The following SPTB variants were observed in gnomAD, a reference collection of about 807,000 sequenced individuals.
The protein encoded by SPTB is spectrin beta chain, erythrocytic.
Under a neutral mutation model 256.2 loss-of-function variants are expected in SPTB, and 45 were observed. That is an observed-to-expected ratio of 0.18 (90% CI 0.14 to 0.23). The LOEUF (loss-of-function observed/expected upper bound fraction) is 0.23. Ranked by LOEUF, SPTB falls within the 10% of genes least tolerant of loss-of-function variation. The pLI is 1.00. For missense variants in SPTB, 2,715 were observed against 3,040.4 expected, an observed-to-expected ratio of 0.89 and a Z score of 2.52; for synonymous variants, 1,231 against 1,243.1, an observed-to-expected ratio of 0.99 and a Z score of 0.21.
In SPTB at chr14:64,772,255, G is replaced by T. The variant is rs1321833227; in HGVS notation, c.5553+325C>A. ...CTCAGAGGACTGCCATGAGGGTCCAGCGGCTACATACATTGCTCAGAAGAG... is the reference window on the plus strand; with the variant it reads ...CTCAGAGGACTGCCATGAGGGTCCATCGGCTACATACATTGCTCAGAAGAG... On this transcript the variant is annotated intron_variant, in intron 26 of 35. Transcript: ENST00000644917. This position sits in a 1 kb window ranked among gnomAD's most constrained non-coding sequence, Gnocchi z 5.4. Among the ~76,000 whole-genome samples the T allele has an allele frequency of 6.6e-6, 1 of 152,232 alleles. No individual in the cohort carries two copies. Among genetic ancestry groups the T allele is most frequent in the Non-Finnish European group, 1.5e-5 (1 of 68,042 alleles).
chr14:64,787,769 G>C (rs1217668467), intron 15 of SPTB, among the ~76,000 whole-genome samples: 2 of 152,234 alleles, frequency 1.3e-5, no homozygotes, highest in Non-Finnish European at 2.9e-5. Flanking sequence ...GTGTTGCTAT[G>C]AAATACGGAA....
intron 2 of SPTB, among the ~76,000 whole-genome samples, chr14:64,808,073 C>T (rs889024566): frequency 2.0e-5 from 3 of 152,194 alleles, no homozygotes; most frequent in East Asian, 1.9e-4. Flanking sequence ...AGTGCAGCGG[C>T]GCAATCTTGG....
rs2082657247 is a variant in SPTB at position 64,790,851 on chromosome 14, C to T, written c.2804+868G>A. ...CAGGAACTCATGGGCAATTTCACCCCACACTGAAAGCACCCCCTCTCTAAA... is the reference window on the plus strand; with the variant it reads ...CAGGAACTCATGGGCAATTTCACCCTACACTGAAAGCACCCCCTCTCTAAA... On this transcript the variant is annotated intron_variant, in intron 15 of 35. Transcript: ENST00000644917. This position sits in a 1 kb window ranked among gnomAD's most constrained non-coding sequence, Gnocchi z 4.8. Among the ~76,000 whole-genome samples, 1 of 152,216 alleles carries T rather than the reference C, an allele frequency of 6.6e-6. No individual in the cohort carries two copies.
In SPTB at chr14:64,750,136, G is replaced by C; in HGVS notation, c.6621C>G (p.Tyr2207Ter). 6.2e-7 allele frequency: 1 copy of C among 1,613,126 alleles called. No homozygotes were observed. Among genetic ancestry groups the C allele is most frequent in the Non-Finnish European group, 8.5e-7 (1 of 1,179,108 alleles). The change falls in exon 34 of 36, where the codon TAC becomes TAG. Residue 2207 changes from tyrosine (Y) to a stop codon, truncating the protein, a stop_gained. Coordinates refer to ENST00000644917, the MANE Select transcript of SPTB (RefSeq NM_001355436.2). LOFTEE classifies it high-confidence loss of function. ...KASNRSWNNL[Y>*]CVLRNSELTF... is the part of the protein sequence containing the mutation. ...TTAGCTCACTGTTCCTGAGCACACAGTACAGGTTGTTCCAGGACCTGCAAA... is the reference window on the plus strand; with the variant it reads ...TTAGCTCACTGTTCCTGAGCACACACTACAGGTTGTTCCAGGACCTGCAAA...
In SPTB at chr14:64,753,727, C is replaced by A; in HGVS notation, c.6412G>T (p.Gly2138Trp). Residue 2138 changes from glycine to tryptophan, a missense_variant, in exon 33 of 36, where the codon GGG becomes TGG. By Grantham distance (184) the Gly-to-Trp change is radical. This residue lies in a region of SPTB where 2,239 missense variants were observed against 2,384.4 expected (regional missense o/e 0.94). Transcript: ENST00000644917. The part of the protein sequence containing the change: ...QPPPPGQHKD[G>W]QKSTGDERPT... ...CTCTCATCCCCAGTGGATTTCTGCC[C>A]ATCCTTGTGCTGACCCGGCGGTGGT... 6.2e-7 allele frequency: 1 copy of A among 1,613,838 alleles called. No homozygotes were observed. The highest frequency in any genetic ancestry group is 8.5e-7 in the Non-Finnish European group (1 of 1,180,032).
At position 64,816,497 on chromosome 14, in the gene SPTB, G is replaced by A. The variant is rs1057052443; in HGVS notation, c.148+6450C>T. ...ATGCTTATCCCCTGAACTGAGAGCT[G>A]CAGTTTATGTTACAAACTTTATAGT... On this transcript the variant is annotated intron_variant, in intron 2 of 35. Coordinates refer to ENST00000644917, the MANE Select transcript of SPTB (RefSeq NM_001355436.2). The surrounding 1 kb of genome is among the most constrained non-coding windows in gnomAD (Gnocchi z 4.2). Among the ~76,000 whole-genome samples the A allele has an allele frequency of 6.6e-6, 1 of 152,142 alleles. No individual in the cohort carries two copies. Among genetic ancestry groups the A allele is most frequent in the Non-Finnish European group, 1.5e-5 (1 of 68,036 alleles).
chr14:64,805,383 C>T (rs1438947470), intron 2 of SPTB, among the ~76,000 whole-genome samples: 2 of 152,198 alleles, frequency 1.3e-5, no homozygotes, highest in African/African-American at 2.4e-5. Context: ...TCAGACTACT[C>T]TGTACTGTTG....
intron 23 of SPTB, among the ~76,000 whole-genome samples, 153 bp downstream of exon 23, chr14:64,774,972 C>T (rs1323450852): frequency 6.6e-6 from 1 of 152,132 alleles, no homozygotes; most frequent in Non-Finnish European, 1.5e-5. Context: ...CAAGGAGGCA[C>T]CAAGGGAGGG....
chr14:64,752,500 T>C (rs2081966836), intron 33 of SPTB, among the ~76,000 whole-genome samples: 1 of 152,190 alleles, frequency 6.6e-6, no homozygotes, highest in African/African-American at 2.4e-5. Context: ...GAGCTGGGTC[T>C]TTGGAGAAAG....
chr14:64,864,578 T>C (rs1439598545), intron 1 of SPTB, among the ~76,000 whole-genome samples: 3 of 152,168 alleles, frequency 2.0e-5, no homozygotes, highest in South Asian at 2.1e-4. Context: ...AGCATACACA[T>C]AGATACATAT....
chr14:64,869,860 G>A (rs1487896821), intron 1 of SPTB, among the ~76,000 whole-genome samples: 1 of 150,914 alleles, frequency 6.6e-6, no homozygotes, highest in Non-Finnish European at 1.5e-5. Context: ...AAACTCCTGG[G>A]CTCAAGCGAT....
chr14:64,786,569 C>T lies in SPTB; in HGVS notation c.3396G>A (p.Thr1132=), dbSNP rs762943374. Residue 1132 remains threonine (T), a synonymous_variant, in exon 16 of 36, where the codon ACG becomes ACA. Coordinates refer to ENST00000644917, the MANE Select transcript of SPTB (RefSeq NM_001355436.2). This position sits in a 1 kb window ranked among gnomAD's most constrained non-coding sequence, Gnocchi z 5.6. The part of the protein sequence containing the change: ...ESGEKVIQGQ[T]DPEYLLLGQR... ...GGCCCAGAAGCAGATACTCTGGGTC[C>T]GTCTGGCCTTGGATCACTTTCTCCC... 72 of 1,614,188 alleles carry T rather than the reference C, an allele frequency of 4.5e-5. No homozygotes were observed. The South Asian group carries it at 5.1e-4, about 11-fold the overall frequency.
intron 1 of SPTB, among the ~76,000 whole-genome samples, chr14:64,876,186 G>C (rs565407769): frequency 2.7e-4 from 41 of 152,244 alleles, no homozygotes; most frequent in African/African-American, 9.9e-4. Flanking sequence ...TTATTGTCCA[G>C]GCTGGAGTGC....
intron 32 of SPTB, among the ~76,000 whole-genome samples, chr14:64,762,986 A>C (rs1055772490): frequency 1.7e-4 from 26 of 152,338 alleles, no homozygotes; most frequent in African/African-American, 6.0e-4. Flanking sequence ...TTCTCAGAGC[A>C]GTTCACACTT....
Position 64,797,815 on chromosome 14 carries a change from G to A in SPTB, c.1096C>T (p.Leu366Phe). 1 of 1,614,122 alleles carries A rather than the reference G, an allele frequency of 6.2e-7. No homozygotes were observed. Among genetic ancestry groups the A allele is most frequent in the South Asian group, 1.1e-5 (1 of 91,088 alleles). The change falls in exon 10 of 36, where the codon CTT (leucine) becomes TTT (phenylalanine). Residue 366 changes from leucine (L) to phenylalanine (F), a missense_variant. By Grantham distance (22) the Leu-to-Phe change is conservative (BLOSUM62 0). This residue lies in a region of SPTB where 416 missense variants were observed against 571.1 expected (regional missense o/e 0.73). Transcript: ENST00000644917. ...CTCATCCGGGACTGGATGGTAAAAAGTAGAACTTCCAGATTCCCCTTCTCT... is the reference window on the plus strand; with the variant it reads ...CTCATCCGGGACTGGATGGTAAAAAATAGAACTTCCAGATTCCCCTTCTCT... The part of the protein sequence containing the change: ...FQEKGNLEVL[L>F]FTIQSRMRAN...
rs189312779 is a variant in SPTB at position 64,825,846 on chromosome 14, G to T, written c.-51-2701C>A. 6.6e-6 allele frequency among the ~76,000 whole-genome samples: 1 copy of T among 152,206 alleles called. No individual in the cohort carries two copies. The highest frequency in any genetic ancestry group is 6.5e-5 in the Admixed American group (1 of 15,282). ...CCCGGGTGCAGAAGAGCAGCGGCTC[G>T]ACAGCAATTCATCCTGCTTAAAAAT... On this transcript the variant is annotated intron_variant, in intron 1 of 35. Transcript: ENST00000644917. This position sits in a 1 kb window ranked among gnomAD's most constrained non-coding sequence, Gnocchi z 4.8.
At chr14:64,830,127 T>C (rs1455478930) in intron 1 of SPTB, among the ~76,000 whole-genome samples, 1 of 152,108 alleles carries the variant, frequency 6.6e-6, no homozygotes, top group Non-Finnish European at 1.5e-5. Context: ...ATAGAACTTA[T>C]CATAATTGTA....
Position 64,772,697 on chromosome 14 carries a change from G to C in SPTB, c.5436C>G (p.Leu1812=). The change falls in exon 26 of 36, where the codon CTC becomes CTG. Residue 1812 remains leucine (L), a synonymous_variant. Coordinates refer to ENST00000644917, the MANE Select transcript of SPTB (RefSeq NM_001355436.2). The surrounding 1 kb of genome is among the most constrained non-coding windows in gnomAD (Gnocchi z 5.4). ...GCAGCTCGCGGTGCTTCTCGTCGAT[G>C]AGGCCCAGGATCTCGGCACCCGTGT... ...YFYTGAEILG[L]IDEKHRELPE... 1 of 1,613,860 alleles carries C rather than the reference G, an allele frequency of 6.2e-7. No homozygotes were observed.
chr14:64,754,380 C>T (rs2081993651), intron 32 of SPTB: 1 of 174,124 alleles, frequency 5.7e-6, no homozygotes. Flanking sequence ...ATCAGCAGGT[C>T]TAACAGGTCC....
Sources: gnomAD v4.1 joint callset for allele counts (sites outside exome capture counted in the v4.1 genomes callset) on GRCh38, gnomAD v4.1.1 for gene constraint, gnomAD v4.1.1 regional missense constraint, Gnocchi (gnomAD v3.1) non-coding constraint, MANE v1.5 for transcripts, NCBI Gene and HGNC (gene_info 2026-07-23, HGNC 2026-07-21) for gene names.